Variants in DLGAP2 observed in about 807,000 individuals in gnomAD.
DLGAP2 encodes disks large-associated protein 2.
Under a neutral mutation model 100.3 loss-of-function variants are expected in DLGAP2, and 26 were observed. The ratio of observed to expected loss-of-function variants is 0.26; its 90% confidence interval spans 0.19 to 0.36. The LOEUF is 0.36. DLGAP2 is among the 10% of genes least tolerant of loss of function. DLGAP2 has a pLI of 1.00. For synonymous variants in DLGAP2, 886 were observed against 630.1 expected, an observed-to-expected ratio of 1.41 and a Z score of -6.08; for missense variants, 1,858 against 1,453.2, an observed-to-expected ratio of 1.28 and a Z score of -4.53.
intron 10 of DLGAP2, among the ~76,000 whole-genome samples, chr8:1,670,102 C>G (rs557339111): frequency 6.6e-6 from 1 of 152,186 alleles, no homozygotes; most frequent in East Asian, 1.9e-4. Flanking sequence ...AGCCAGGTGA[C>G]TTCCCATTGC....
intron 1 of DLGAP2, among the ~76,000 whole-genome samples, chr8:902,911 G>C (rs1465694942): frequency 1.3e-5 from 1 of 75,792 alleles, no homozygotes; most frequent in Non-Finnish European, 2.6e-5. Flanking sequence ...AACGTGTGCG[G>C]GTGGGCGGGG....
intron 3 of DLGAP2, among the ~76,000 whole-genome samples, chr8:1,494,771 T>C (rs1466459126): frequency 6.6e-6 from 1 of 151,148 alleles, no homozygotes; most frequent in Non-Finnish European, 1.5e-5. Context: ...TGCCACTCAA[T>C]GCAGCCTCCC....
At chr8:1,560,935 C>A (rs1315941938) in intron 5 of DLGAP2, among the ~76,000 whole-genome samples, 1 of 152,162 alleles carries the variant, frequency 6.6e-6, no homozygotes, top group Non-Finnish European at 1.5e-5. Flanking sequence ...TTACATTGAC[C>A]ATGTCATTAA....
chr8:1,577,522 C>T (rs573159709), intron 6 of DLGAP2, among the ~76,000 whole-genome samples: 26 of 142,510 alleles, frequency 1.8e-4, no homozygotes, highest in African/African-American at 6.5e-4. Flanking sequence ...GAGCCAAGAT[C>T]GTGCCATTGC....
intron 1 of DLGAP2, chr8:739,162 G>A (rs1820414682): frequency 6.6e-6 from 1 of 152,418 alleles, no homozygotes. Flanking sequence ...TGGGGGGTTT[G>A]GGAACTGTAA....
At chr8:1,487,707 C>T (rs957862448) in intron 3 of DLGAP2, among the ~76,000 whole-genome samples, 3 of 152,180 alleles carry the variant, frequency 2.0e-5, no homozygotes, top group South Asian at 2.1e-4. Context: ...GCTATGAGCC[C>T]GCAGGCCAGG....
At chr8:1,544,667 T>C (rs1312450923) in intron 4 of DLGAP2, among the ~76,000 whole-genome samples, 1 of 152,230 alleles carries the variant, frequency 6.6e-6, no homozygotes, top group Non-Finnish European at 1.5e-5. Flanking sequence ...CTAGGATAAA[T>C]TCTACATAGT....
intron 2 of DLGAP2, among the ~76,000 whole-genome samples, chr8:1,092,863 C>T (rs1442989428): frequency 6.6e-6 from 1 of 152,178 alleles, no homozygotes; most frequent in Admixed American, 6.5e-5. Context: ...GGCCTCATAA[C>T]TGGGTTCAGC....
intron 3 of DLGAP2, chr8:1,301,282 C>G (rs1800332341): frequency 6.6e-6 from 1 of 152,298 alleles, no homozygotes. Context: ...CACGTCCCAC[C>G]CTTCCATGGA....
At chr8:954,108 G>A (rs1584920290) in intron 2 of DLGAP2, among the ~76,000 whole-genome samples, 2 of 152,282 alleles carry the variant, frequency 1.3e-5, no homozygotes, top group African/African-American at 4.8e-5. Flanking sequence ...CCCTGAAAGA[G>A]TGTCAGTGGC....
chr8:1,370,499 A>G lies in DLGAP2; in HGVS notation c.106+111616A>G, dbSNP rs75305002. Among the ~76,000 whole-genome samples the G allele has an allele frequency of 5.9e-5, 9 of 152,362 alleles. No individual in the cohort carries two copies. The East Asian group carries it at 1.7e-3, about 29-fold the overall frequency. On this transcript the variant is annotated intron_variant, in intron 3 of 14. Transcript: ENST00000637795. ...CTCTCCTTTATCTTCTATTTAAAGC[A>G]TCTATACTTAAGTAACAAGTCACAT...
intron 2 of DLGAP2, among the ~76,000 whole-genome samples, chr8:1,220,286 C>T (rs1335545406): frequency 6.6e-6 from 1 of 152,066 alleles, no homozygotes; most frequent in African/African-American, 2.4e-5. Flanking sequence ...TACCTGTGAC[C>T]CAAAGATTGT....
chr8:1,111,955 G>C (rs1428950736), intron 2 of DLGAP2, among the ~76,000 whole-genome samples: 3 of 152,062 alleles, frequency 2.0e-5, no homozygotes, highest in African/African-American at 4.8e-5. Flanking sequence ...TGGCAGTTCT[G>C]CTTGTAACTC....
chr8:1,669,081 C>A (rs985367086), intron 9 of DLGAP2, among the ~76,000 whole-genome samples: 5 of 152,096 alleles, frequency 3.3e-5, no homozygotes, highest in Non-Finnish European at 7.4e-5. Context: ...GTATTGTGGC[C>A]AAAGAATTGA....
chr8:941,549 C>A (rs1026639865), intron 2 of DLGAP2, among the ~76,000 whole-genome samples: 3 of 152,172 alleles, frequency 2.0e-5, no homozygotes, highest in African/African-American at 7.2e-5. Flanking sequence ...TTGCCTCTCT[C>A]CCTGCTCCCC....
At chr8:1,225,608 C>G (rs1324251883) in intron 2 of DLGAP2, among the ~76,000 whole-genome samples, 1 of 152,182 alleles carries the variant, frequency 6.6e-6, no homozygotes, top group Non-Finnish European at 1.5e-5. Context: ...AAATTAAAAT[C>G]ATATGCAAGT....
intron 3 of DLGAP2, among the ~76,000 whole-genome samples, chr8:1,291,908 A>C (rs552594459): frequency 3.3e-5 from 5 of 152,154 alleles, no homozygotes; most frequent in African/African-American, 1.2e-4. Flanking sequence ...ACTTTTGACT[A>C]TTACAAAATG....
At chr8:1,269,136 G>A (rs1443011401) in intron 3 of DLGAP2, among the ~76,000 whole-genome samples, 3 of 152,264 alleles carry the variant, frequency 2.0e-5, no homozygotes, top group Admixed American at 1.3e-4. Context: ...TCATCGGTGG[G>A]CCCGTCTGCC....
chr8:1,435,210 AG>A (rs1360019413), intron 3 of DLGAP2, among the ~76,000 whole-genome samples: 1 of 152,234 alleles, frequency 6.6e-6, no homozygotes, highest in Non-Finnish European at 1.5e-5. Context: ...TGACTTGAGC[AG>A]CTTTTGTAGA....
Sources: allele counts gnomAD v4.1 joint callset (sites outside exome capture counted in the v4.1 genomes callset), GRCh38; gene constraint gnomAD v4.1.1; transcripts MANE v1.5; gene names NCBI Gene and HGNC (gene_info 2026-07-23, HGNC 2026-07-21).